EPB41L4A: variants seen among roughly 807,000 people sequenced by gnomAD.
EPB41L4A encodes band 4.1-like protein 4A.
In EPB41L4A, 100 loss-of-function variants were observed where a neutral mutation model predicts 108.6. That is an observed-to-expected ratio of 0.92 (90% CI 0.78 to 1.09). The LOEUF (loss-of-function observed/expected upper bound fraction) is 1.09. Ranked by LOEUF, EPB41L4A falls within the 50% of genes least tolerant of loss-of-function variation. EPB41L4A has a pLI of 0.00. For missense variants in EPB41L4A, 1,030 were observed against 842.7 expected (o/e 1.22, Z -2.75); for synonymous variants, 319 against 289.0 (o/e 1.10, Z -1.05).
intron 3 of EPB41L4A, among the ~76,000 whole-genome samples, chr5:112,277,085 G>A (rs937669478): frequency 3.5e-4 from 53 of 152,186 alleles, no homozygotes; most frequent in African/African-American, 1.3e-3. Context: ...TAAATATTTA[G>A]AAGAGCCAGG....
chr5:112,265,005 C>G lies in EPB41L4A; in HGVS notation c.445G>C (p.Asp149His). The change falls in exon 6 of 23, where the codon GAT (aspartate) becomes CAT (histidine). Residue 149 changes from aspartate to histidine, a missense_variant. Physicochemically the swap from Asp to His is moderately conservative, Grantham distance 81 (BLOSUM62 -1). Transcript: ENST00000261486. ...GAYAIQSELG[D>H]YDPYKHTAGY... ...GCAGTATGTTTATATGGGTCATAAT[C>G]TCCAAGCTCCGCTAAAAAAGAAAGA... is the stretch of plus-strand genomic sequence containing the variant. 6.3e-7 allele frequency: 1 copy of G among 1,578,310 alleles called. No homozygotes were observed. The highest frequency in any genetic ancestry group is 8.6e-7 in the Non-Finnish European group (1 of 1,166,898).
At chr5:112,356,899 C>T (rs1758393712) in intron 1 of EPB41L4A, among the ~76,000 whole-genome samples, 1 of 152,214 alleles carries the variant, frequency 6.6e-6, no homozygotes, top group African/African-American at 2.4e-5. Context: ...GCATCTTGAA[C>T]TGCTTACTAC....
At chr5:112,275,903 A>G (rs374319824) in intron 3 of EPB41L4A, among the ~76,000 whole-genome samples, 3 of 152,354 alleles carry the variant, frequency 2.0e-5, no homozygotes, top group African/African-American at 7.2e-5. Flanking sequence ...GGGCATCTGC[A>G]TGTGCTCATG....
intron 1 of EPB41L4A, among the ~76,000 whole-genome samples, chr5:112,327,549 C>T (rs910623179): frequency 4.6e-5 from 7 of 152,022 alleles, no homozygotes; most frequent in Non-Finnish European, 8.8e-5. Flanking sequence ...GATCCCATCT[C>T]TACAAAAAAT....
At chr5:112,232,581 T>A (rs543958096) in intron 12 of EPB41L4A, among the ~76,000 whole-genome samples, 63 of 152,310 alleles carry the variant, frequency 4.1e-4, no homozygotes, top group African/African-American at 1.4e-3. Context: ...CAGGTGACAT[T>A]CTCACACACA....
chr5:112,303,936 C>G (rs1262846972), intron 2 of EPB41L4A, among the ~76,000 whole-genome samples: 1 of 151,976 alleles, frequency 6.6e-6, no homozygotes, highest in Non-Finnish European at 1.5e-5. Context: ...CAAACACTGA[C>G]TGGAAAGAGG....
chr5:112,202,668 T>C (rs916894964), intron 15 of EPB41L4A, among the ~76,000 whole-genome samples: 5 of 152,108 alleles, frequency 3.3e-5, no homozygotes, highest in Non-Finnish European at 5.9e-5. Flanking sequence ...ATGAAGGTAA[T>C]ATAGACCCTT....
chr5:112,223,998 C>G (rs1472183723), intron 12 of EPB41L4A, among the ~76,000 whole-genome samples: 1 of 152,224 alleles, frequency 6.6e-6, no homozygotes, highest in African/African-American at 2.4e-5. Flanking sequence ...GTCACCCATA[C>G]TGGAGTGCAG....
At chr5:112,154,301 C>T (rs889474931) in intron 12 of EPB41L4A, among the ~76,000 whole-genome samples, 5 of 152,154 alleles carry the variant, frequency 3.3e-5, no homozygotes, top group Admixed American at 1.3e-4. Flanking sequence ...CAGGGCTTTA[C>T]GATGATCATT....
At chr5:112,408,324 C>T (rs1014124002) in intron 1 of EPB41L4A, among the ~76,000 whole-genome samples, 14 of 152,106 alleles carry the variant, frequency 9.2e-5, no homozygotes, top group Admixed American at 5.2e-4. Context: ...ACACCAAAAG[C>T]ACAAGCAACA....
intron 12 of EPB41L4A, among the ~76,000 whole-genome samples, chr5:112,220,979 CAT>C (rs1278028527): frequency 2.6e-5 from 4 of 152,312 alleles, no homozygotes; most frequent in African/African-American, 7.2e-5. Context: ...TGAATATACA[CAT>C]ATCTCATTTC....
chr5:112,251,737 T>G (rs952141839), intron 9 of EPB41L4A, among the ~76,000 whole-genome samples: 3 of 152,022 alleles, frequency 2.0e-5, no homozygotes, highest in African/African-American at 7.2e-5. Context: ...TTCTACATAT[T>G]AAAAAATAAA....
intron 7 of EPB41L4A, 148 bp from the exon 8 acceptor site, chr5:112,260,127 T>C: frequency 4.8e-6 from 3 of 626,352 alleles, no homozygotes; most frequent in South Asian, 2.1e-5. Context: ...TACACTATGA[T>C]AGTAGCTAAC....
intron 1 of EPB41L4A, among the ~76,000 whole-genome samples, chr5:112,406,772 C>CGG (rs1554113091): frequency 0.09 from 13,759 of 152,036 alleles, 1,995 homozygotes; most frequent in African/African-American, 0.3. Context: ...TGCAAAGACA[C>CGG]AGTGAGTGAG....
intron 18 of EPB41L4A, among the ~76,000 whole-genome samples, chr5:112,177,438 T>TAAC (rs1408307801): frequency 1.3e-5 from 2 of 152,174 alleles, no homozygotes; most frequent in Non-Finnish European, 2.9e-5. Context: ...GTCAACTGAT[T>TAAC]AACAACAGCC....
intron 17 of EPB41L4A, among the ~76,000 whole-genome samples, chr5:112,185,261 G>C (rs1427443551): frequency 6.6e-6 from 1 of 152,196 alleles, no homozygotes; most frequent in Non-Finnish European, 1.5e-5. Context: ...GAGCATAACT[G>C]CTTCGAGACA....
In EPB41L4A at chr5:112,313,858, C is replaced by CTTTTTTTTTTTTTTTTTTTT. The variant is rs1188991050; in HGVS notation, c.100-6388_100-6369dup. ...AACCGCTCCAAAAAAAGGTAACTTT[C>CTTTTTTTTTTTTTTTTTTTT]TTTTTTTTTTTTTTTTTTTTTTTGA... On this transcript the variant is annotated intron_variant, in intron 1 of 22. Coordinates refer to ENST00000261486, the MANE Select transcript of EPB41L4A (RefSeq NM_022140.5). Among the ~76,000 whole-genome samples, 2 of 89,480 alleles carry CTTTTTTTTTTTTTTTTTTTT rather than the reference C, an allele frequency of 2.2e-5. 1 individual carries two copies. The highest frequency in any genetic ancestry group is 9.2e-5 in the African/African-American group (2 of 21,814). 58.7% of individuals were successfully genotyped at this position (89,480 alleles called of 152,430 possible).
At chr5:112,393,557 T>C (rs1013330885) in intron 1 of EPB41L4A, among the ~76,000 whole-genome samples, 1 of 152,172 alleles carries the variant, frequency 6.6e-6, no homozygotes, top group African/African-American at 2.4e-5. Flanking sequence ...GTTGAATCCC[T>C]GAATAGACCA....
intron 1 of EPB41L4A, among the ~76,000 whole-genome samples, chr5:112,339,020 G>C (rs1201585928): frequency 1.5e-5 from 1 of 67,048 alleles, no homozygotes; most frequent in Non-Finnish European, 3.0e-5. Flanking sequence ...GTAAATAAAA[G>C]AAAGTGACAG....
Sources: allele counts gnomAD v4.1 joint callset (sites outside exome capture counted in the v4.1 genomes callset), GRCh38; gene constraint gnomAD v4.1.1; transcripts MANE v1.5; gene names NCBI Gene and HGNC (gene_info 2026-07-23, HGNC 2026-07-21).